DMD: variants seen among roughly 807,000 people sequenced by gnomAD.
DMD encodes dystrophin.
Under a neutral mutation model 330.1 loss-of-function variants are expected in DMD, and 63 were observed. The ratio of observed to expected loss-of-function variants is 0.19; its 90% CI spans 0.16 to 0.24. DMD has a LOEUF of 0.24. Ranked by LOEUF, DMD falls within the 10% of genes least tolerant of loss-of-function variation. DMD has a pLI of 1.00. For synonymous variants in DMD, 1,223 were observed against 959.8 expected (o/e 1.27, Z -5.07); for missense variants, 3,344 against 2,684.1 (o/e 1.25, Z -5.43).
At chrX:31,881,665 T>C (rs2094070879) in intron 47 of DMD, among the ~76,000 whole-genome samples, 1 of 112,019 alleles carries the variant, frequency 8.9e-6, no homozygotes, top group African/African-American at 3.2e-5. Flanking sequence ...CAAATATTGT[T>C]GTGTGACAAT....
chrX:32,635,412 T>A, intron 11 of DMD, among the ~76,000 whole-genome samples: 1 of 111,599 alleles, frequency 9.0e-6, no homozygotes, highest in Non-Finnish European at 1.9e-5. Flanking sequence ...GAGGCTTCTG[T>A]TTGGCGATTT....
chrX:33,217,639 G>A (rs1297115915), intron 1 of DMD, among the ~76,000 whole-genome samples: 1 of 111,154 alleles, frequency 9.0e-6, no homozygotes, highest in African/African-American at 3.3e-5. Flanking sequence ...GATTTAATAT[G>A]AGATCTACCC....
intron 4 of DMD, among the ~76,000 whole-genome samples, chrX:32,838,972 A>G (rs1344691375): frequency 8.9e-6 from 1 of 112,143 alleles, no homozygotes; most frequent in East Asian, 2.8e-4. Flanking sequence ...AGACACATGC[A>G]CACATCTGTT....
chrX:31,185,355 TC>T (rs1176431675), intron 67 of DMD, among the ~76,000 whole-genome samples: 8 of 111,478 alleles, frequency 7.2e-5, no homozygotes, highest in Non-Finnish European at 1.1e-4. Context: ...TCTATATTTC[TC>T]TGAACAGGAC....
intron 62 of DMD, among the ~76,000 whole-genome samples, chrX:31,265,147 G>A (rs761392674): frequency 7.1e-5 from 8 of 112,157 alleles, no homozygotes; most frequent in Non-Finnish European, 1.5e-4. Context: ...GCGTTCTCTT[G>A]CGATTTGCAG....
In DMD at chrX:32,546,917, T is replaced by G. The variant is rs191453519; in HGVS notation, c.1993-1583A>C. On this transcript the variant is annotated intron_variant, in intron 16 of 78. Transcript: ENST00000357033. ...AATGACCATTACGTGATAAAATTAG[T>G]TTTATTTCTAGTCAAAAAGAAAATG... Among the ~76,000 whole-genome samples the G allele has an allele frequency of 2.4e-3, 273 of 111,929 alleles. 1 individual carries two copies. Among genetic ancestry groups the G allele is most frequent in the African/African-American group, 8.4e-3 (260 of 30,957 alleles).
At chrX:32,844,319 T>A (rs1313637083) in intron 4 of DMD, among the ~76,000 whole-genome samples, 2 of 105,676 alleles carry the variant, frequency 1.9e-5, no homozygotes, top group East Asian at 3.0e-4. Context: ...GACAGGAGAA[T>A]AGCTTAAACC....
chrX:32,252,706 A>AT (rs2097272121), intron 43 of DMD, among the ~76,000 whole-genome samples: 1 of 42,007 alleles, frequency 2.4e-5, no homozygotes, highest in African/African-American at 1.0e-4. Flanking sequence ...AAATATATAT[A>AT]AATATATAAA....
intron 42 of DMD, among the ~76,000 whole-genome samples, chrX:32,306,855 T>C (rs1354769207): frequency 3.6e-5 from 4 of 111,177 alleles, no homozygotes; most frequent in African/African-American, 1.3e-4. Flanking sequence ...TAAAGAATAA[T>C]ATTAGCTGTA....
intron 52 of DMD, among the ~76,000 whole-genome samples, chrX:31,721,934 G>A (rs1400474995): frequency 9.3e-6 from 1 of 107,615 alleles, no homozygotes; most frequent in Non-Finnish European, 1.9e-5. Flanking sequence ...TGACAGAAAG[G>A]AAATATGATA....
intron 74 of DMD, among the ~76,000 whole-genome samples, chrX:31,158,979 G>A (rs1359980642): frequency 9.0e-6 from 1 of 111,693 alleles, no homozygotes; most frequent in Non-Finnish European, 1.9e-5. Flanking sequence ...AACTAAACAG[G>A]TATATTAAGG....
intron 2 of DMD, among the ~76,000 whole-genome samples, chrX:32,865,567 T>G (rs1165389767): frequency 8.9e-6 from 1 of 112,230 alleles, no homozygotes; most frequent in Non-Finnish European, 1.9e-5. Flanking sequence ...AACATGAGAC[T>G]AGAGAGGTAC....
intron 21 of DMD, among the ~76,000 whole-genome samples, chrX:32,484,337 T>C (rs2042213242): frequency 8.9e-6 from 1 of 112,109 alleles, no homozygotes; most frequent in Non-Finnish European, 1.9e-5. Context: ...AAAAGAAACA[T>C]CTTGAAAAAT....
intron 16 of DMD, among the ~76,000 whole-genome samples, chrX:32,548,557 C>A (rs909538496): frequency 1.8e-5 from 2 of 111,351 alleles, no homozygotes; most frequent in Non-Finnish European, 3.8e-5. Flanking sequence ...ATTTTAATGT[C>A]ATTGGAAAAC....
At chrX:31,558,951 T>A (rs1289784871) in intron 55 of DMD, among the ~76,000 whole-genome samples, 5 of 111,382 alleles carry the variant, frequency 4.5e-5, no homozygotes, top group Non-Finnish European at 9.4e-5. Flanking sequence ...CGTACAAATC[T>A]TTAAAATAAT....
intron 44 of DMD, among the ~76,000 whole-genome samples, chrX:32,154,502 T>C (rs1353316508): frequency 8.9e-6 from 1 of 112,014 alleles, no homozygotes; most frequent in African/African-American, 3.2e-5. Flanking sequence ...AATCAAACTT[T>C]TTGCAGTAGT....
rs147858466 is a variant in DMD at position 32,728,093 on chromosome X, G to C, written c.650-28800C>G. On this transcript the variant is annotated intron_variant, in intron 7 of 78. Transcript: ENST00000357033. ...GGGATTGTTACTGAAGCTGATAAAT[G>C]TTTACTCTTCATTGGAGACTGACAA... Among the ~76,000 whole-genome samples the C allele has an allele frequency of 6.3e-3, 698 of 111,294 alleles. 2 individuals are homozygous for C. The highest frequency in any genetic ancestry group is 0.021 in the African/African-American group (657 of 30,717).
chrX:32,723,776 C>G (rs1263358337), intron 7 of DMD, among the ~76,000 whole-genome samples: 1 of 110,254 alleles, frequency 9.1e-6, no homozygotes, highest in Non-Finnish European at 1.9e-5. Context: ...CCCCTTAAAT[C>G]AGGGGTATGT....
At chrX:32,732,163 T>C (rs185205076) in intron 7 of DMD, among the ~76,000 whole-genome samples, 4 of 110,241 alleles carry the variant, frequency 3.6e-5, no homozygotes, top group Non-Finnish European at 5.7e-5. Context: ...AGGGTATCAG[T>C]GATGGAAGAT....
Sources: allele counts gnomAD v4.1 joint callset (sites outside exome capture counted in the v4.1 genomes callset), GRCh38; gene constraint gnomAD v4.1.1; transcripts MANE v1.5; gene names NCBI Gene and HGNC (gene_info 2026-07-23, HGNC 2026-07-21).